The following AKAP13 variants were observed in gnomAD, a reference collection of about 807,000 sequenced individuals.
The protein encoded by AKAP13 is A-kinase anchoring protein 13.
Under a neutral mutation model 264.5 loss-of-function variants are expected in AKAP13, and 80 were observed. That is an observed-to-expected ratio of 0.30 (90% CI 0.25 to 0.36). The LOEUF (loss-of-function observed/expected upper bound fraction) is 0.36, where lower values mean the gene tolerates loss of function less well. AKAP13 is among the 10% of genes least tolerant of loss of function. AKAP13 has a pLI of 1.00. For synonymous variants in AKAP13, 1,380 were observed against 1,250.2 expected (o/e 1.10, Z -2.19); for missense variants, 3,712 against 3,435.2 (o/e 1.08, Z -2.01).
chr15:85,722,029 T>C lies in AKAP13; in HGVS notation c.6291T>C (p.Tyr2097=), dbSNP rs1315921611. 3.7e-6 allele frequency: 6 copies of C among 1,614,054 alleles called. No individual in the cohort carries two copies. Among genetic ancestry groups the C allele is most frequent in the African/African-American group, 2.7e-5 (2 of 74,946 alleles). ...ATGCAGAACGTTTAAAGAAGACATATGGCAAGTTTTGTGGGCAACATAACC... is the reference window on the plus strand; with the variant it reads ...ATGCAGAACGTTTAAAGAAGACATACGGCAAGTTTTGTGGGCAACATAACC... The part of the protein sequence containing the change: ...GENAERLKKT[Y]GKFCGQHNQS... Residue 2097 remains tyrosine, a synonymous_variant, in exon 24 of 37, where the codon TAT becomes TAC. Coordinates refer to ENST00000394518, the MANE Select transcript of AKAP13 (RefSeq NM_007200.5).
chr15:85,484,295 T>G (rs140180767), intron 1 of AKAP13, among the ~76,000 whole-genome samples: 1,646 of 152,268 alleles, frequency 0.011, 108 homozygotes, highest in Admixed American at 0.099. Context: ...CTAAAAATGT[T>G]GGTTGGTTAT....
intron 12 of AKAP13, among the ~76,000 whole-genome samples, chr15:85,664,066 T>C (rs981497182): frequency 6.6e-6 from 1 of 152,164 alleles, no homozygotes; most frequent in Admixed American, 6.5e-5. Flanking sequence ...AGCATACCTG[T>C]AAAATTATAA....
intron 7 of AKAP13, chr15:85,582,901 G>A: frequency 1.0e-6 from 1 of 985,448 alleles, no homozygotes; most frequent in Non-Finnish European, 1.2e-6. Context: ...GCTGCACTGA[G>A]CAGATTGCTC....
intron 3 of AKAP13, among the ~76,000 whole-genome samples, chr15:85,530,819 G>A (rs2077220264): frequency 6.6e-6 from 1 of 152,132 alleles, no homozygotes; most frequent in Admixed American, 6.5e-5. Context: ...TGGAAATTAA[G>A]TGAGGCTATA....
chr15:85,569,838 G>A (rs2078747302), intron 5 of AKAP13, among the ~76,000 whole-genome samples: 2 of 152,020 alleles, frequency 1.3e-5, no homozygotes, highest in East Asian at 3.9e-4. Flanking sequence ...AGCACATTGG[G>A]AGGCCAAGGC....
chr15:85,681,497 G>A (rs2084596508), intron 14 of AKAP13, among the ~76,000 whole-genome samples: 1 of 152,090 alleles, frequency 6.6e-6, no homozygotes, highest in Non-Finnish European at 1.5e-5. Context: ...TGGTCCAGTG[G>A]TTGTGGAAGG....
chr15:85,440,114 A>G (rs2073568956), intron 1 of AKAP13, among the ~76,000 whole-genome samples: 1 of 152,180 alleles, frequency 6.6e-6, no homozygotes, highest in Non-Finnish European at 1.5e-5. Flanking sequence ...CCCTTTATGT[A>G]TTTAGCAATT....
chr15:85,693,034 T>A, intron 16 of AKAP13: 2 of 491,698 alleles, frequency 4.1e-6, no homozygotes, highest in Non-Finnish European at 6.6e-6. Flanking sequence ...AAGTAACCAA[T>A]GAATAAGCCA....
intron 8 of AKAP13, among the ~76,000 whole-genome samples, chr15:85,587,638 T>A (rs1596616202): frequency 6.6e-6 from 1 of 152,096 alleles, no homozygotes; most frequent in African/African-American, 2.4e-5. Flanking sequence ...AGCTATTAAC[T>A]TTTATTTTAT....
chr15:85,578,068 G>C (rs1251867935), intron 6 of AKAP13, among the ~76,000 whole-genome samples: 1 of 152,178 alleles, frequency 6.6e-6, no homozygotes, highest in Non-Finnish European at 1.5e-5. Flanking sequence ...GGATCCCATA[G>C]GCTCAGGTGT....
At chr15:85,743,986 A>T in intron 36 of AKAP13, 161 bp downstream of exon 36, 1 of 812,766 alleles carries the variant, frequency 1.2e-6, no homozygotes, top group South Asian at 1.9e-5. Flanking sequence ...AAGAGCACTC[A>T]TGCAGCGAAC....
At chr15:85,743,448 G>A (rs769195591) in intron 35 of AKAP13, 44 bp from the exon 36 acceptor site, 9 of 1,582,706 alleles carry the variant, frequency 5.7e-6, no homozygotes, top group Middle Eastern at 1.7e-4. Flanking sequence ...CATCACGGAC[G>A]CTGACAGCCT....
intron 1 of AKAP13, among the ~76,000 whole-genome samples, chr15:85,469,131 T>C (rs1290537211): frequency 1.4e-5 from 2 of 139,780 alleles, no homozygotes; most frequent in African/African-American, 2.9e-5. Context: ...GCCAGGCTGG[T>C]CTTGAACTCC....
In AKAP13 at chr15:85,460,949, G is replaced by GTT. The variant is rs35141349; in HGVS notation, c.-11-24751_-11-24750dup. On this transcript the variant is annotated intron_variant, in intron 1 of 36. Transcript: ENST00000394518. ...CTAACCTACAGAATGGGGGAACAGAGTTTTTTTTTTTGTTATTTTAAGTTA... is the reference window on the plus strand; with the variant it reads ...CTAACCTACAGAATGGGGGAACAGAGTTTTTTTTTTTTTGTTATTTTAAGTTA... 3.3e-3 allele frequency among the ~76,000 whole-genome samples: 483 copies of GTT among 148,482 alleles called. 4 individuals carry two copies. The highest frequency in any genetic ancestry group is 9.5e-3 in the African/African-American group (386 of 40,518).
At chr15:85,641,929 T>C (rs1160544109) in intron 9 of AKAP13, among the ~76,000 whole-genome samples, 1 of 152,220 alleles carries the variant, frequency 6.6e-6, no homozygotes, top group Non-Finnish European at 1.5e-5. Flanking sequence ...AACAACAGTT[T>C]GTTGGCATAT....
At chr15:85,492,401 T>C (rs1412077827) in intron 2 of AKAP13, among the ~76,000 whole-genome samples, 1 of 152,154 alleles carries the variant, frequency 6.6e-6, no homozygotes, top group Admixed American at 6.5e-5. Flanking sequence ...AACAAAACTT[T>C]AAATGTACAG....
chr15:85,718,059 G>A lies in AKAP13; in HGVS notation c.5901G>A (p.Glu1967=), dbSNP rs370443777. The part of the protein sequence containing the change: ...EGQLLGDFEI[E]SKQLEAESWS... The stretch of plus-strand genomic sequence containing the variant: ...AACTACTGGGAGACTTTGAGATTGA[G>A]TCCAAACAGCTGGAAGCAGAGTCTT... The change falls in exon 22 of 37, where the codon GAG becomes GAA. Residue 1967 remains glutamate, a synonymous_variant. Transcript: ENST00000394518. This position sits in a 1 kb window ranked among gnomAD's most constrained non-coding sequence, Gnocchi z 4.9. 8.1e-6 allele frequency: 13 copies of A among 1,614,002 alleles called. No individual in the cohort carries two copies. In the African/African-American group the frequency reaches 1.7e-4, roughly 22 times the overall value.
intron 23 of AKAP13, among the ~76,000 whole-genome samples, chr15:85,720,761 C>T (rs951833018): frequency 6.6e-6 from 1 of 152,040 alleles, no homozygotes; most frequent in Non-Finnish European, 1.5e-5. Context: ...GAGCCCATAC[C>T]CCTCACTTCA....
At chr15:85,726,887 T>C in intron 27 of AKAP13, 179 bp from the exon 28 acceptor site, 1 of 674,590 alleles carries the variant, frequency 1.5e-6, no homozygotes, top group Non-Finnish European at 2.5e-6. Context: ...CCTTTTGAAA[T>C]CTTTTTTTGT....
Sources: allele counts gnomAD v4.1 joint callset (sites outside exome capture counted in the v4.1 genomes callset), GRCh38; gene constraint gnomAD v4.1.1; non-coding constraint Gnocchi (gnomAD v3.1); transcripts MANE v1.5; gene names NCBI Gene and HGNC (gene_info 2026-07-23, HGNC 2026-07-21).